TLE1: variants seen among roughly 807,000 people sequenced by gnomAD.
The protein encoded by TLE1 is transducin-like enhancer protein 1.
In TLE1, 21 loss-of-function variants were observed where a neutral mutation model predicts 89.8. The ratio of observed to expected loss-of-function variants is 0.23; its 90% CI spans 0.17 to 0.34. The LOEUF (loss-of-function observed/expected upper bound fraction) is 0.34. Among genes scored for constraint, TLE1 ranks in the 10% least tolerant of loss-of-function variants. The probability of loss-of-function intolerance (pLI) is 1.00; values close to 1 mark genes in which losing one functional copy is unlikely to be tolerated. For missense variants in TLE1, 795 were observed against 1,031.2 expected, an observed-to-expected ratio of 0.77 and a Z score of 3.14; for synonymous variants, 447 against 407.6, an observed-to-expected ratio of 1.10 and a Z score of -1.16.
At chr9:81,647,340 A>C (rs1413268616) in intron 6 of TLE1, among the ~76,000 whole-genome samples, 1 of 152,200 alleles carries the variant, frequency 6.6e-6, no homozygotes, top group Non-Finnish European at 1.5e-5. Flanking sequence ...TGATGTCTTC[A>C]CGTTTTTGCT....
chr9:81,658,497 G>C (rs1192064129), intron 4 of TLE1, among the ~76,000 whole-genome samples: 1 of 152,128 alleles, frequency 6.6e-6, no homozygotes, highest in Non-Finnish European at 1.5e-5. Flanking sequence ...CCGTCTGCCA[G>C]GTCTCTAAAC....
At chr9:81,684,602 CA>C (rs1339902641) in intron 4 of TLE1, among the ~76,000 whole-genome samples, 1 of 152,182 alleles carries the variant, frequency 6.6e-6, no homozygotes, top group Non-Finnish European at 1.5e-5. Context: ...TCAATTTCTC[CA>C]CTGTGCCCCA....
In TLE1 at chr9:81,613,330, G is replaced by A; in HGVS notation, c.1063+47C>T. On this transcript the variant is annotated intron_variant, in intron 12 of 19. Coordinates refer to ENST00000376499, the MANE Select transcript of TLE1 (RefSeq NM_005077.5). ...ACATTAACAGACAACAAATCAAGCT[G>A]GGAATGGGAGAAACCAAACAAAGCA... 1.9e-6 allele frequency: 3 copies of A among 1,596,928 alleles called. No homozygotes were observed. In the South Asian group the frequency reaches 3.4e-5, roughly 18 times the overall value.
At chr9:81,659,099 G>A (rs1391339077) in intron 4 of TLE1, among the ~76,000 whole-genome samples, 2 of 151,956 alleles carry the variant, frequency 1.3e-5, no homozygotes, top group Non-Finnish European at 2.9e-5. Flanking sequence ...AGTAGAGATG[G>A]GGTTTCACCA....
rs189591157 is a variant in TLE1 at position 81,641,196 on chromosome 9, G to A, written c.373-6895C>T. On this transcript the variant is annotated intron_variant, in intron 6 of 19. Transcript: ENST00000376499. ...TTAAAACACTCAATTCCTATCTTGG[G>A]AGACAGCAAAATAAATAAATAAATA... Among the ~76,000 whole-genome samples the A allele has an allele frequency of 7.4e-5, 11 of 149,188 alleles. No homozygotes were observed. In the East Asian group the frequency reaches 1.6e-3, roughly 21 times the overall value.
chr9:81,585,914 G>A (rs1828345012), intron 17 of TLE1, among the ~76,000 whole-genome samples: 1 of 151,824 alleles, frequency 6.6e-6, no homozygotes, highest in Non-Finnish European at 1.5e-5. Context: ...GCATTCATCT[G>A]TACATTTTAA....
intron 8 of TLE1, among the ~76,000 whole-genome samples, chr9:81,630,743 A>T (rs1185369938): frequency 3.3e-5 from 5 of 152,202 alleles, no homozygotes; most frequent in Non-Finnish European, 5.9e-5. Flanking sequence ...TCTAATTCAA[A>T]CCACTTTATT....
At chr9:81,665,781 T>C (rs1350456056) in intron 4 of TLE1, among the ~76,000 whole-genome samples, 3 of 152,090 alleles carry the variant, frequency 2.0e-5, no homozygotes, top group Admixed American at 6.6e-5. Context: ...CTCTATTCAT[T>C]GGTTCTCCTT....
At chr9:81,640,794 T>C (rs376244481) in intron 6 of TLE1, among the ~76,000 whole-genome samples, 1 of 152,210 alleles carries the variant, frequency 6.6e-6, no homozygotes, top group South Asian at 2.1e-4. Context: ...TCACAGCACA[T>C]GGCTTATCAC....
intron 4 of TLE1, among the ~76,000 whole-genome samples, chr9:81,675,700 T>A (rs921968395): frequency 1.4e-5 from 2 of 139,720 alleles, no homozygotes; most frequent in Non-Finnish European, 3.1e-5. Flanking sequence ...TCACACTAGT[T>A]TTTTTTTGTT....
At chr9:81,654,582 C>A (rs1188616277) in intron 4 of TLE1, among the ~76,000 whole-genome samples, 1 of 152,170 alleles carries the variant, frequency 6.6e-6, no homozygotes, top group East Asian at 1.9e-4. Flanking sequence ...ACCTCGTGAT[C>A]CGCCCGCCTC....
intron 9 of TLE1, 49 bp downstream of exon 9, chr9:81,620,391 AG>A: frequency 7.4e-7 from 1 of 1,352,600 alleles, no homozygotes; most frequent in Non-Finnish European, 1.1e-6. Flanking sequence ...TTGGATACTC[AG>A]GTGAGCAGTA....
chr9:81,629,024 T>A (rs533135949), intron 8 of TLE1, among the ~76,000 whole-genome samples: 35 of 152,160 alleles, frequency 2.3e-4, no homozygotes, highest in Non-Finnish European at 4.6e-4. Context: ...CAAATAGTGA[T>A]CACACTAGCT....
intron 6 of TLE1, among the ~76,000 whole-genome samples, chr9:81,649,016 C>T (rs1829216606): frequency 6.6e-6 from 1 of 152,050 alleles, no homozygotes; most frequent in African/African-American, 2.4e-5. Flanking sequence ...GACTACAATA[C>T]ATTTAATAGG....
intron 8 of TLE1, among the ~76,000 whole-genome samples, chr9:81,630,837 A>C (rs1826497213): frequency 6.6e-6 from 1 of 152,222 alleles, no homozygotes; most frequent in Non-Finnish European, 1.5e-5. Context: ...ATTTTTATAC[A>C]AAGTTTGAAG....
At chr9:81,664,089 AT>A (rs1411951786) in intron 4 of TLE1, among the ~76,000 whole-genome samples, 3 of 152,042 alleles carry the variant, frequency 2.0e-5, no homozygotes, top group Admixed American at 2.0e-4. Flanking sequence ...CCACAAACAC[AT>A]CTCTAGTTCC....
intron 4 of TLE1, among the ~76,000 whole-genome samples, chr9:81,670,911 T>G (rs7019677): frequency 0.86 from 130,565 of 152,018 alleles, 56,387 homozygotes; most frequent in African/African-American, 0.95. Flanking sequence ...GCTCATGCTG[T>G]TAATCCCAGC....
At chr9:81,627,948 G>A (rs1826101789) in intron 8 of TLE1, among the ~76,000 whole-genome samples, 1 of 152,148 alleles carries the variant, frequency 6.6e-6, no homozygotes, top group South Asian at 2.1e-4. Flanking sequence ...GCTGGGTGCG[G>A]TGGCTCACGC....
At chr9:81,595,542 G>A (rs1830063200) in intron 14 of TLE1, among the ~76,000 whole-genome samples, 2 of 152,292 alleles carry the variant, frequency 1.3e-5, no homozygotes, top group African/African-American at 4.8e-5. Flanking sequence ...ATTGAGGCTG[G>A]GCGCGGTGGC....
Sources: gnomAD v4.1 joint callset for allele counts (sites outside exome capture counted in the v4.1 genomes callset) on GRCh38, gnomAD v4.1.1 for gene constraint, MANE v1.5 for transcripts, NCBI Gene and HGNC (gene_info 2026-07-23, HGNC 2026-07-21) for gene names.